Variants in TMTC1 observed in about 807,000 individuals in gnomAD.
TMTC1 encodes the protein transmembrane O-mannosyltransferase targeting cadherins 1, also known as protein O-mannosyl-transferase TMTC1.
In TMTC1, 73 loss-of-function variants were observed where a neutral mutation model predicts 104.8. The observed-to-expected ratio is 0.70, with a 90% confidence interval of 0.58 to 0.85. The LOEUF (loss-of-function observed/expected upper bound fraction) is 0.85. Ranked by LOEUF, TMTC1 falls within the 40% of genes least tolerant of loss-of-function variation. The pLI is 0.00. For missense variants in TMTC1, 1,035 were observed against 1,096.1 expected, an observed-to-expected ratio of 0.94 and a Z score of 0.79; for synonymous variants, 434 against 428.7, an observed-to-expected ratio of 1.01 and a Z score of -0.15.
At chr12:29,566,774 C>A (rs2136286506) in intron 9 of TMTC1, among the ~76,000 whole-genome samples, 1 of 152,270 alleles carries the variant, frequency 6.6e-6, no homozygotes, top group South Asian at 2.1e-4. Context: ...ATCTTGTAAT[C>A]CTCCAACCCT....
chr12:29,575,732 A>G (rs748070775), intron 8 of TMTC1, among the ~76,000 whole-genome samples: 12 of 152,198 alleles, frequency 7.9e-5, no homozygotes, highest in Non-Finnish European at 1.5e-4. Context: ...TCTTTGAGAT[A>G]CTGATTTCAT....
At chr12:29,758,903 A>C in intron 2 of TMTC1, 126 bp from the exon 3 acceptor site, 782 of 790,126 alleles carry the variant, frequency 9.9e-4, no homozygotes, top group Non-Finnish European at 1.3e-3. Flanking sequence ...TAGAAATCTC[A>C]CTGTTCTTCA....
chr12:29,753,368 G>A (rs1364873986), intron 4 of TMTC1, among the ~76,000 whole-genome samples: 3 of 152,148 alleles, frequency 2.0e-5, no homozygotes, highest in Non-Finnish European at 2.9e-5. Flanking sequence ...GACGTCCTGC[G>A]AGGTCTCCTG....
chr12:29,507,100 TG>T, intron 17 of TMTC1, 114 bp from the exon 18 acceptor site: 2 of 843,970 alleles, frequency 2.4e-6, no homozygotes, highest in Non-Finnish European at 3.8e-6. Context: ...TGTTCTCATA[TG>T]GAAACTCTGT....
chr12:29,606,933 T>C (rs1177760175), intron 6 of TMTC1, among the ~76,000 whole-genome samples: 1 of 151,626 alleles, frequency 6.6e-6, no homozygotes, highest in Non-Finnish European at 1.5e-5. Context: ...TGCCTTCATC[T>C]CAGTGGTGGG....
chr12:29,556,784 A>C, intron 10 of TMTC1, 73 bp downstream of exon 10: 1 of 1,589,922 alleles, frequency 6.3e-7, no homozygotes, highest in East Asian at 2.2e-5. Context: ...CAGCACAATC[A>C]AATGAGTGTT....
chr12:29,590,225 A>C (rs745311298), intron 7 of TMTC1, among the ~76,000 whole-genome samples: 21 of 152,000 alleles, frequency 1.4e-4, no homozygotes, highest in Non-Finnish European at 2.5e-4. Flanking sequence ...AGCCCTTTTC[A>C]TTATCAGGCC....
intron 5 of TMTC1, among the ~76,000 whole-genome samples, chr12:29,649,364 T>C (rs1939414660): frequency 1.3e-5 from 2 of 152,166 alleles, no homozygotes; most frequent in South Asian, 2.1e-4. Context: ...ACAAAGAAGA[T>C]AATAGAGCAT....
At chr12:29,621,162 T>C (rs1937653638) in intron 6 of TMTC1, among the ~76,000 whole-genome samples, 1 of 152,242 alleles carries the variant, frequency 6.6e-6, no homozygotes, top group Non-Finnish European at 1.5e-5. Context: ...AAATCCGTGT[T>C]GGCATAGAGC....
At chr12:29,515,105 C>A (rs544311857) in intron 15 of TMTC1, among the ~76,000 whole-genome samples, 1 of 152,150 alleles carries the variant, frequency 6.6e-6, no homozygotes, top group Non-Finnish European at 1.5e-5. Context: ...AGTTTTCCCA[C>A]GTATCGATGA....
chr12:29,585,516 G>A (rs148081823), intron 7 of TMTC1, among the ~76,000 whole-genome samples: 7,848 of 152,032 alleles, frequency 0.052, 682 homozygotes, highest in African/African-American at 0.18. Context: ...GTCCTTGCCC[G>A]TGCCTATGTC....
chr12:29,527,918 T>C (rs987408251), intron 11 of TMTC1, among the ~76,000 whole-genome samples: 5 of 152,132 alleles, frequency 3.3e-5, no homozygotes, highest in Non-Finnish European at 7.3e-5. Context: ...TCAAGGGCAA[T>C]GAATCACAGC....
chr12:29,602,847 G>C (rs959620021), intron 7 of TMTC1, among the ~76,000 whole-genome samples: 12 of 152,108 alleles, frequency 7.9e-5, no homozygotes, highest in Non-Finnish European at 1.5e-4. Flanking sequence ...GATTTTAGTA[G>C]AGCATTTATG....
At chr12:29,540,700 C>T (rs981067247) in intron 10 of TMTC1, among the ~76,000 whole-genome samples, 6 of 151,518 alleles carry the variant, frequency 4.0e-5, no homozygotes, top group Admixed American at 6.6e-5. Flanking sequence ...AAAAAATCAC[C>T]GTAGTTTTGG....
intron 2 of TMTC1, among the ~76,000 whole-genome samples, chr12:29,763,006 A>G (rs2120418262): frequency 6.6e-6 from 1 of 152,348 alleles, no homozygotes; most frequent in East Asian, 1.9e-4. Context: ...CTGGACCGAG[A>G]AGGGCACTCA....
chr12:29,656,028 C>T (rs754936651), intron 5 of TMTC1, among the ~76,000 whole-genome samples: 1 of 152,072 alleles, frequency 6.6e-6, no homozygotes, highest in South Asian at 2.1e-4. Context: ...AACCACCTGG[C>T]AAGCCCCTGG....
intron 6 of TMTC1, among the ~76,000 whole-genome samples, chr12:29,625,900 T>C (rs1277864996): frequency 6.6e-6 from 1 of 152,172 alleles, no homozygotes; most frequent in Non-Finnish European, 1.5e-5. Context: ...TCAGTTACAA[T>C]AGAGCAGGCA....
intron 5 of TMTC1, among the ~76,000 whole-genome samples, chr12:29,655,693 A>G (rs1211581770): frequency 6.6e-6 from 1 of 152,220 alleles, no homozygotes; most frequent in East Asian, 1.9e-4. Flanking sequence ...ATGACAGGGT[A>G]TTCCCTCTGA....
At chr12:29,686,840 A>T (rs950169185) in intron 5 of TMTC1, among the ~76,000 whole-genome samples, 6 of 152,226 alleles carry the variant, frequency 3.9e-5, no homozygotes, top group Non-Finnish European at 8.8e-5. Context: ...TCATCTCTAT[A>T]TAAATTATTT....
Sources: allele counts gnomAD v4.1 joint callset (sites outside exome capture counted in the v4.1 genomes callset), GRCh38; gene constraint gnomAD v4.1.1; transcripts MANE v1.5; gene names NCBI Gene and HGNC (gene_info 2026-07-23, HGNC 2026-07-21).